ARL13B: variants seen among roughly 807,000 people sequenced by gnomAD.
ARL13B encodes the protein ADP-ribosylation factor-like protein 13B.
In ARL13B, 36 loss-of-function variants were observed where a neutral mutation model predicts 56.1. The observed-to-expected ratio is 0.64, with a 90% CI of 0.49 to 0.85. The LOEUF is 0.85. ARL13B is among the 40% of genes least tolerant of loss of function. ARL13B has a pLI of 0.00. For synonymous variants in ARL13B, 178 were observed against 171.1 expected (o/e 1.04, Z -0.32); for missense variants, 519 against 507.1 (o/e 1.02, Z -0.23).
In ARL13B at chr3:94,036,554, A is replaced by G. The variant is rs780866849; in HGVS notation, c.489A>G (p.Glu163=). 6 of 1,613,924 alleles carry G rather than the reference A, an allele frequency of 3.7e-6. No individual in the cohort carries two copies. Among genetic ancestry groups the G allele is most frequent in the Non-Finnish European group, 4.2e-6 (5 of 1,179,928 alleles). ...VNEHKCLCQI[E]PCSAISGYGK... is the part of the protein sequence containing the mutation. ...AGTCAAATAAATTTCTGTTTTAGGA[A>G]CCATGTTCAGCAATCTCGGGGTATG... The change falls in exon 5 of 10, where the codon GAA becomes GAG. Residue 163 remains glutamate (E), a splice_region_variant and synonymous_variant. Transcript: ENST00000394222.
intron 1 of ARL13B, among the ~76,000 whole-genome samples, chr3:93,994,873 A>G (rs2107378368): frequency 6.6e-6 from 1 of 151,998 alleles, no homozygotes; most frequent in East Asian, 1.9e-4. Flanking sequence ...AAATGAAAGG[A>G]CACCCTTTAC....
At chr3:94,048,318 G>T (rs1436282423) in intron 7 of ARL13B, 1 of 152,166 alleles carries the variant, frequency 6.6e-6, no homozygotes, top group Non-Finnish European at 1.5e-5. Context: ...CTGCACTCCA[G>T]CCTGGGCAGA....
chr3:94,038,053 C>T (rs1469698768), intron 5 of ARL13B, among the ~76,000 whole-genome samples: 1 of 152,132 alleles, frequency 6.6e-6, no homozygotes, highest in Non-Finnish European at 1.5e-5. Flanking sequence ...TCACTAAATC[C>T]AATCTAATTG....
At chr3:94,032,906 T>A (rs1473332651) in intron 3 of ARL13B, among the ~76,000 whole-genome samples, 2 of 152,216 alleles carry the variant, frequency 1.3e-5, no homozygotes, top group East Asian at 3.8e-4. Flanking sequence ...AAAAGATATC[T>A]GAACTCAAGA....
chr3:94,003,973 T>C (rs1447523513), intron 3 of ARL13B, 65 bp downstream of exon 3: 84 of 1,602,902 alleles, frequency 5.2e-5, no homozygotes, highest in Non-Finnish European at 6.8e-5. Flanking sequence ...GAAATTTACC[T>C]GTTACAGACT....
chr3:94,037,260 A>T (rs2076785491), intron 5 of ARL13B, among the ~76,000 whole-genome samples: 1 of 152,140 alleles, frequency 6.6e-6, no homozygotes, highest in Non-Finnish European at 1.5e-5. Context: ...TAGTTTCAGC[A>T]AGGATAGAAG....
chr3:94,045,082 T>TC (rs2107171641), intron 7 of ARL13B, among the ~76,000 whole-genome samples: 1 of 152,282 alleles, frequency 6.6e-6, no homozygotes, highest in South Asian at 2.1e-4. Flanking sequence ...CATAGAAGAC[T>TC]CCATTTTGTT....
intron 3 of ARL13B, among the ~76,000 whole-genome samples, chr3:94,022,675 A>G (rs768327845): frequency 6.6e-6 from 1 of 152,020 alleles, no homozygotes; most frequent in African/African-American, 2.4e-5. Context: ...AGTTTTTTCA[A>G]TGGATAGAGA....
Position 94,003,901 on chromosome 3 carries a change from A to G in ARL13B, c.373A>G (p.Ile125Val), listed in dbSNP as rs1455730899. ...ACATCCTAGGATATCGGGAAAGCCT[A>G]TATTGGTGTAAGTAATGTTAGCATC... ...LRHPRISGKP[I>V]LVLANKQDKE... The change falls in exon 3 of 10, where the codon ATA becomes GTA. Residue 125 changes from isoleucine (I) to valine (V), a missense_variant. By Grantham distance (29) the Ile-to-Val change is conservative (BLOSUM62 3). Transcript: ENST00000394222. 9.9e-6 allele frequency: 16 copies of G among 1,613,108 alleles called. No homozygotes were observed. The highest frequency in any genetic ancestry group is 1.3e-5 in the Non-Finnish European group (15 of 1,179,502).
chr3:93,992,596 G>A (rs1053403651), intron 1 of ARL13B, among the ~76,000 whole-genome samples: 2 of 152,294 alleles, frequency 1.3e-5, no homozygotes, highest in African/African-American at 4.8e-5. Context: ...AATAAATGAT[G>A]TAAACTAGTA....
Position 93,995,878 on chromosome 3 carries a change from G to A in ARL13B, c.64G>A (p.Val22Met), listed in dbSNP as rs752373152. Reference sequence around the variant, plus strand: ...TTAAATTTCTATTATTTTAAGAAAGGTGACTCTTTTGATGGTGGGACTTGA... The same window carrying A: ...TTAAATTTCTATTATTTTAAGAAAGATGACTCTTTTGATGGTGGGACTTGA... ...FKRWREPVRKVTLLMVGLDNA... is the reference protein window; with the variant it reads ...FKRWREPVRKMTLLMVGLDNA... The change falls in exon 2 of 10, where the codon GTG (valine) becomes ATG (methionine). Residue 22 changes from valine to methionine, a missense_variant. Transcript: ENST00000394222. The A allele has an allele frequency of 1.2e-6, 2 of 1,610,664 alleles. No individual in the cohort carries two copies. The highest frequency in any genetic ancestry group is 1.7e-5 in the Admixed American group (1 of 59,918).
chr3:94,055,137 T>C lies in ARL13B; in HGVS notation c.*1874T>C. 2.7e-6 allele frequency: 1 copy of C among 368,380 alleles called. No homozygotes were observed. The highest frequency in any genetic ancestry group is 5.2e-6 in the Non-Finnish European group (1 of 191,800). The allele number at this position is 368,380 out of a possible 1,614,324, so 22.8% of individuals were successfully genotyped here. A position where few individuals can be genotyped will look rare whatever the true frequency, so the allele number is the denominator to read the frequency against. On this transcript the variant is annotated 3_prime_UTR_variant, in exon 10 of 10. Transcript: ENST00000394222. Reference sequence around the variant, plus strand: ...CTCTCAAAAATTAATTTTTATTCCTTAAGCATTTTAAAAACATTTTAAAAA... The same window carrying C: ...CTCTCAAAAATTAATTTTTATTCCTCAAGCATTTTAAAAACATTTTAAAAA...
intron 5 of ARL13B, among the ~76,000 whole-genome samples, chr3:94,038,659 G>A (rs2076811431): frequency 6.6e-6 from 1 of 151,512 alleles, no homozygotes; most frequent in South Asian, 2.1e-4. Context: ...GAGTAATGGG[G>A]ATAACAGGCA....
intron 2 of ARL13B, among the ~76,000 whole-genome samples, chr3:93,999,119 T>G (rs2076012397): frequency 6.7e-6 from 1 of 148,638 alleles, no homozygotes; most frequent in African/African-American, 2.4e-5. Context: ...ATTTATAATT[T>G]TTTATAGAGG....
chr3:94,015,685 C>G (rs2076318626), intron 3 of ARL13B, among the ~76,000 whole-genome samples: 1 of 151,934 alleles, frequency 6.6e-6, no homozygotes, highest in Admixed American at 6.6e-5. Context: ...GTTAATTTGG[C>G]CAATGTAATA....
chr3:94,011,698 T>C (rs1005343457), intron 3 of ARL13B, among the ~76,000 whole-genome samples: 2 of 151,984 alleles, frequency 1.3e-5, no homozygotes, highest in African/African-American at 2.4e-5. Context: ...ATGTGAGGAG[T>C]TTCTCTCTCT....
At chr3:94,006,497 C>T (rs1416658181) in intron 3 of ARL13B, among the ~76,000 whole-genome samples, 1 of 151,936 alleles carries the variant, frequency 6.6e-6, no homozygotes, top group African/African-American at 2.4e-5. Flanking sequence ...TTTAGTGTTA[C>T]CTCCCTTCAA....
chr3:94,022,897 A>G (rs900781628), intron 3 of ARL13B, among the ~76,000 whole-genome samples: 2 of 152,146 alleles, frequency 1.3e-5, no homozygotes, highest in South Asian at 2.1e-4. Flanking sequence ...ATACATCACT[A>G]ATTCATTCTA....
Position 94,053,714 on chromosome 3 carries a change from AT to A in ARL13B, c.*458del. On this transcript the variant is annotated 3_prime_UTR_variant, in exon 10 of 10. Transcript: ENST00000394222. ...ACCAAAATTTTAAAACTATTTTTAT[AT>A]TTTTTTAAATCTTTAAAAATTTTAA... 1 of 310,164 alleles carries A rather than the reference AT, an allele frequency of 3.2e-6. No homozygotes were observed. The highest frequency in any genetic ancestry group is 2.9e-5 in the South Asian group (1 of 34,906). 19.2% of individuals were successfully genotyped at this position (310,164 alleles called of 1,614,324 possible). A position where few individuals can be genotyped will look rare whatever the true frequency, so the allele number is the denominator to read the frequency against.
Sources: allele counts gnomAD v4.1 joint callset (sites outside exome capture counted in the v4.1 genomes callset), GRCh38; gene constraint gnomAD v4.1.1; transcripts MANE v1.5; gene names NCBI Gene and HGNC (gene_info 2026-07-23, HGNC 2026-07-21).